AHR: variants seen among roughly 807,000 people sequenced by gnomAD.
AHR encodes the protein aryl hydrocarbon receptor.
A neutral mutation model predicts 86.8 loss-of-function variants in AHR; 40 were observed. The ratio of observed to expected loss-of-function variants is 0.46; its 90% CI spans 0.36 to 0.60. The LOEUF is 0.60. Ranked by LOEUF, AHR falls within the 20% of genes least tolerant of loss-of-function variation. The probability of loss-of-function intolerance (pLI) is 0.00; values close to 1 mark genes in which losing one functional copy is unlikely to be tolerated. For synonymous variants in AHR, 398 were observed against 354.9 expected, an observed-to-expected ratio of 1.12 and a Z score of -1.37; for missense variants, 1,001 against 1,011.6, an observed-to-expected ratio of 0.99 and a Z score of 0.14.
chr7:17,298,775 G>T lies in AHR; in HGVS notation c.-490G>T, dbSNP rs979940980. The T allele has an allele frequency of 5.0e-6, 2 of 397,922 alleles. No homozygotes were observed. Among genetic ancestry groups the T allele is most frequent in the Non-Finnish European group, 8.9e-6 (2 of 225,684 alleles). The allele number at this position is 397,922 out of a possible 1,614,324, so 24.6% of individuals were successfully genotyped here. A position where few individuals can be genotyped will look rare whatever the true frequency, so the allele number is the denominator to read the frequency against. On this transcript the variant is annotated 5_prime_UTR_variant, in exon 1 of 11. Transcript: ENST00000242057. The stretch of plus-strand genomic sequence containing the variant: ...CAGCCGGGACTGGTGGCCCGCGCCC[G>T]AGCTCCGCAGGCGGGAAGCACCCTG...
chr7:17,329,752 G>A (rs1407639444), intron 4 of AHR, 200 bp from the exon 5 acceptor site: 7 of 372,400 alleles, frequency 1.9e-5, no homozygotes, highest in Non-Finnish European at 2.9e-5. Context: ...GTAACTTTTG[G>A]CTTATCTGTT....
At chr7:17,321,625 G>GA (rs956628842) in intron 2 of AHR, among the ~76,000 whole-genome samples, 2 of 82,074 alleles carry the variant, frequency 2.4e-5, no homozygotes, top group South Asian at 4.0e-4. Flanking sequence ...ACACAGTGAG[G>GA]AAAAAAAAGA....
chr7:17,335,409 C>T (rs1457601917), intron 8 of AHR, among the ~76,000 whole-genome samples: 2 of 151,974 alleles, frequency 1.3e-5, no homozygotes, highest in Non-Finnish European at 2.9e-5. Context: ...TCTATACTTT[C>T]CTGTGTTACT....
intron 2 of AHR, among the ~76,000 whole-genome samples, chr7:17,318,647 A>G (rs940113880): frequency 1.3e-5 from 2 of 152,042 alleles, no homozygotes; most frequent in Non-Finnish European, 2.9e-5. Flanking sequence ...CTGGTGACCT[A>G]TTTTCAGATA....
chr7:17,317,139 T>A (rs1310842646), intron 2 of AHR, among the ~76,000 whole-genome samples: 1 of 129,882 alleles, frequency 7.7e-6, no homozygotes, highest in African/African-American at 2.7e-5. Context: ...TTTTTGAATA[T>A]GCATAAGGGC....
At chr7:17,304,861 AG>A (rs779339680) in intron 1 of AHR, among the ~76,000 whole-genome samples, 7 of 152,076 alleles carry the variant, frequency 4.6e-5, no homozygotes, top group African/African-American at 1.2e-4. Context: ...GTAATGTTTT[AG>A]TGATTCTGGT....
chr7:17,309,457 A>C (rs1782040117), intron 1 of AHR, among the ~76,000 whole-genome samples: 2 of 152,336 alleles, frequency 1.3e-5, no homozygotes, highest in African/African-American at 4.8e-5. Flanking sequence ...TAAATACAGA[A>C]AGCTGGTGAT....
intron 7 of AHR, among the ~76,000 whole-genome samples, chr7:17,334,509 T>C (rs1782334447): frequency 6.6e-6 from 1 of 152,034 alleles, no homozygotes; most frequent in South Asian, 2.1e-4. Flanking sequence ...TCAGTGCTTT[T>C]CTCCTTTCTA....
intron 9 of AHR, chr7:17,336,023 G>A: frequency 2.8e-6 from 1 of 359,240 alleles, no homozygotes; most frequent in Non-Finnish European, 4.9e-6. Context: ...TTTTATCTTG[G>A]GCATATGAAA....
At chr7:17,324,905 G>A (rs995025559) in intron 3 of AHR, among the ~76,000 whole-genome samples, 7 of 152,032 alleles carry the variant, frequency 4.6e-5, no homozygotes, top group African/African-American at 1.7e-4. Flanking sequence ...GAATAACTGT[G>A]TCTTTATTTA....
intron 10 of AHR, among the ~76,000 whole-genome samples, chr7:17,340,541 A>C (rs1782409771): frequency 6.6e-6 from 1 of 152,232 alleles, no homozygotes; most frequent in South Asian, 2.1e-4. Flanking sequence ...TTTTGTTTAA[A>C]ATAGATAATT....
Position 17,334,093 on chromosome 7 carries a change from C to T in AHR, c.887C>T (p.Thr296Ile). 6.2e-7 allele frequency: 1 copy of T among 1,613,172 alleles called. No homozygotes were observed. Among genetic ancestry groups the T allele is most frequent in the African/African-American group, 1.3e-5 (1 of 75,032 alleles). The change falls in exon 7 of 11, where the codon ACA (threonine) becomes ATA (isoleucine). Residue 296 changes from threonine (T) to isoleucine (I), a missense_variant. By Grantham distance (89) the Thr-to-Ile change is moderately conservative. Around this residue, in one of 2 missense-constraint regions of AHR, gnomAD observed 394 missense variants for 468.5 expected, o/e 0.84. Coordinates refer to ENST00000242057, the MANE Select transcript of AHR (RefSeq NM_001621.5). The part of the protein sequence containing the change: ...IFRTKHKLDF[T>I]PIGCDAKGRI... ...AGAACCAAACACAAACTAGACTTCA[C>T]ACCTATTGGTTGTGATGCCAAGTAA...
At chr7:17,328,420 A>G (rs1157421873) in intron 4 of AHR, among the ~76,000 whole-genome samples, 6 of 152,028 alleles carry the variant, frequency 3.9e-5, no homozygotes, top group African/African-American at 1.4e-4. Flanking sequence ...TTGAATGAAC[A>G]GTGAATAGAT....
chr7:17,306,553 G>A (rs747712470), intron 1 of AHR, among the ~76,000 whole-genome samples: 10 of 151,254 alleles, frequency 6.6e-5, no homozygotes, highest in South Asian at 2.1e-4. Context: ...GTTTTTTTCC[G>A]TCTATCATTT....
chr7:17,330,621 A>G, intron 5 of AHR, 135 bp from the exon 6 acceptor site: 1 of 688,216 alleles, frequency 1.5e-6, no homozygotes, highest in Non-Finnish European at 2.1e-6. Flanking sequence ...TCTTGTCATT[A>G]GCTCTTTTGA....
At chr7:17,308,675 G>C (rs1189548717) in intron 1 of AHR, among the ~76,000 whole-genome samples, 3 of 151,582 alleles carry the variant, frequency 2.0e-5, no homozygotes, top group African/African-American at 7.3e-5. Flanking sequence ...ACAACCTGGA[G>C]AAGGTATCTG....
At chr7:17,333,827 G>T in intron 6 of AHR, 85 bp from the exon 7 acceptor site, 1 of 1,038,752 alleles carries the variant, frequency 9.6e-7, no homozygotes, top group South Asian at 1.5e-5. Context: ...GAACCCTAGA[G>T]GCAGCCATAA....
intron 4 of AHR, 143 bp downstream of exon 4, chr7:17,327,991 C>A: frequency 3.8e-6 from 1 of 265,174 alleles, no homozygotes; most frequent in East Asian, 7.1e-5. Context: ...ATAATTTTTT[C>A]TAATATTAAT....
intron 3 of AHR, among the ~76,000 whole-genome samples, chr7:17,326,661 G>A (rs1584037567): frequency 6.6e-6 from 1 of 152,252 alleles, no homozygotes; most frequent in African/African-American, 2.4e-5. Flanking sequence ...ACCTGATGAA[G>A]TGCCAGTTTT....
Sources: allele counts gnomAD v4.1 joint callset (sites outside exome capture counted in the v4.1 genomes callset), GRCh38; gene constraint gnomAD v4.1.1; regional missense constraint gnomAD v4.1.1; transcripts MANE v1.5; gene names NCBI Gene and HGNC (gene_info 2026-07-23, HGNC 2026-07-21).